The following PGM3 variants were observed in gnomAD, a reference collection of about 807,000 sequenced individuals.
The protein encoded by PGM3 is phosphoacetylglucosamine mutase.
PGM3 carries 40 observed loss-of-function variants against 66.2 expected under a neutral mutation model. The observed-to-expected ratio is 0.60, with a 90% confidence interval of 0.47 to 0.79. The LOEUF (loss-of-function observed/expected upper bound fraction) is 0.79. Ranked by LOEUF, PGM3 falls within the 30% of genes least tolerant of loss-of-function variation. The pLI, the probability that PGM3 is intolerant of heterozygous loss-of-function variation, is 0.00. For synonymous variants in PGM3, 191 were observed against 224.2 expected, an observed-to-expected ratio of 0.85 and a Z score of 1.32; for missense variants, 537 against 643.4, an observed-to-expected ratio of 0.83 and a Z score of 1.79.
the PGM3 span, chr6:83,151,740 T>C: frequency 1.6e-5 from 24 of 1,481,926 alleles, no homozygotes; most frequent in Non-Finnish European, 2.0e-5. Context: ...TAAAATAAAC[T>C]GAAGTTTCTT....
In PGM3 at chr6:83,167,394, T is replaced by C; in HGVS notation, c.*1840A>G. 1 of 981,872 alleles carries C rather than the reference T, an allele frequency of 1.0e-6. No homozygotes were observed. Among genetic ancestry groups the C allele is most frequent in the Non-Finnish European group, 1.2e-6 (1 of 826,596 alleles). The allele number at this position is 981,872 out of a possible 1,614,324, so 60.8% of individuals were successfully genotyped here. A position where few individuals can be genotyped will look rare whatever the true frequency, so the allele number is the denominator to read the frequency against. On this transcript the variant is annotated 3_prime_UTR_variant, in exon 13 of 13. Transcript: ENST00000513973. The stretch of plus-strand genomic sequence containing the variant: ...TGGACACTGCTACCATCATGGCAAA[T>C]TTAGGCCATTTAGATAAAAGGGAAT...
intron 12 of PGM3, 51 bp downstream of exon 12, chr6:83,170,253 CT>C: frequency 6.5e-7 from 1 of 1,527,278 alleles, no homozygotes; most frequent in Non-Finnish European, 9.0e-7. Flanking sequence ...AATAGTTTGC[CT>C]GCCCATCACC....
At chr6:83,174,213 T>C (rs1787578599) in intron 10 of PGM3, among the ~76,000 whole-genome samples, 161 bp downstream of exon 10, 1 of 152,186 alleles carries the variant, frequency 6.6e-6, no homozygotes, top group Non-Finnish European at 1.5e-5. Context: ...TGTTCTGTCA[T>C]TCCATTTCAT....
At chr6:83,175,831 C>T in intron 9 of PGM3, 131 bp downstream of exon 9, 1 of 579,286 alleles carries the variant, frequency 1.7e-6, no homozygotes, top group East Asian at 2.8e-5. Context: ...TATAAGATAA[C>T]CAAAGGATCT....
intron 3 of PGM3, among the ~76,000 whole-genome samples, chr6:83,187,665 G>A (rs193174905): frequency 1.4e-3 from 207 of 152,184 alleles, no homozygotes; most frequent in African/African-American, 4.6e-3. Context: ...TTAGCTGGGC[G>A]TGGTGGCACA....
chr6:83,159,544 G>A (rs1346803519), downstream of PGM3, among the ~76,000 whole-genome samples: 1 of 152,088 alleles, frequency 6.6e-6, no homozygotes, highest in African/African-American at 2.4e-5. Context: ...ACCCGCCTTG[G>A]CATCCCAAAA....
downstream of PGM3, chr6:83,157,246 T>C (rs1166139096): frequency 1.2e-6 from 2 of 1,613,956 alleles, no homozygotes; most frequent in African/African-American, 2.7e-5. Flanking sequence ...TGTTCCTGTT[T>C]TTCAGAGTGT....
At chr6:83,159,184 TAGAG>T (rs1381546480), downstream of PGM3, among the ~76,000 whole-genome samples, 1 of 152,228 alleles carries the variant, frequency 6.6e-6, no homozygotes, top group African/African-American at 2.4e-5. Flanking sequence ...TTTATTATTA[TAGAG>T]AATTTTCTCA....
At chr6:83,152,048 G>C in the PGM3 span, 1 of 1,612,772 alleles carries the variant, frequency 6.2e-7, no homozygotes, top group Non-Finnish European at 8.5e-7. Context: ...CAAACATTTA[G>C]GTTTATTATC....
chr6:83,165,827 G>A lies in PGM3; in HGVS notation c.*3407C>T. ...AATTGGGCCCTTTCTGGTGGCCAATGCCGGCTGCAGGCATTGCAGTTTTTG... is the reference window on the plus strand; with the variant it reads ...AATTGGGCCCTTTCTGGTGGCCAATACCGGCTGCAGGCATTGCAGTTTTTG... On this transcript the variant is annotated 3_prime_UTR_variant, in exon 13 of 13. Transcript: ENST00000513973. The A allele has an allele frequency of 3.1e-6, 1 of 317,802 alleles. No homozygotes were observed. Among genetic ancestry groups the A allele is most frequent in the Non-Finnish European group, 6.3e-6 (1 of 158,546 alleles). The allele number at this position is 317,802 out of a possible 1,614,324, so 19.7% of individuals were successfully genotyped here.
chr6:83,181,912 T>C lies in PGM3; in HGVS notation c.611A>G (p.Glu204Gly). The change falls in exon 6 of 13, where the codon GAA becomes GGA. Residue 204 changes from glutamate to glycine, a missense_variant. Coordinates refer to ENST00000513973, the MANE Select transcript of PGM3 (RefSeq NM_015599.3). ...ACAGTCAACCTTAAGTGATCTGTAT[T>C]CATCTCCACTGCAAGAAGCCTACAA... The part of the protein sequence containing the change: ...LTKQASCSGD[E>G]YRSLKVDCAN... The C allele has an allele frequency of 6.3e-7, 1 of 1,598,706 alleles. No homozygotes were observed.
intron 8 of PGM3, among the ~76,000 whole-genome samples, 155 bp downstream of exon 8, chr6:83,178,518 A>T (rs1787940050): frequency 6.6e-6 from 1 of 152,226 alleles, no homozygotes; most frequent in African/African-American, 2.4e-5. Flanking sequence ...ATCAAGGACA[A>T]CTAAATTTTT....
chr6:83,152,247 A>T, the PGM3 span: 1 of 1,181,976 alleles, frequency 8.5e-7, no homozygotes, highest in African/African-American at 1.6e-5. Flanking sequence ...ATTTATTTTC[A>T]GTGGGAATTA....
chr6:83,192,880 C>G (rs1383339259), intron 1 of PGM3, among the ~76,000 whole-genome samples: 2 of 152,146 alleles, frequency 1.3e-5, no homozygotes, highest in South Asian at 2.1e-4. Context: ...TCCTTGGTGC[C>G]TCTCTCCCGC....
chr6:83,180,321 A>G (rs1323993987), intron 6 of PGM3, among the ~76,000 whole-genome samples: 1 of 152,226 alleles, frequency 6.6e-6, no homozygotes, highest in Non-Finnish European at 1.5e-5. Context: ...ACATAGAAAA[A>G]ATAATCAGCA....
Position 83,167,897 on chromosome 6 carries a change from G to A in PGM3, c.*1337C>T. 1.2e-6 allele frequency: 2 copies of A among 1,613,242 alleles called. No individual in the cohort carries two copies. Among genetic ancestry groups the A allele is most frequent in the Non-Finnish European group, 1.7e-6 (2 of 1,179,524 alleles). ...AGGAAGACAACTCAGGGAGAACATT[G>A]GGTTGGGAGCCAGGGCACTTGCTGC... On this transcript the variant is annotated 3_prime_UTR_variant, in exon 13 of 13. Transcript: ENST00000513973.
Position 83,170,326 on chromosome 6 carries a change from T to C in PGM3, c.1518A>G (p.Val506=), listed in dbSNP as rs1328036910. 2 of 1,614,176 alleles carry C rather than the reference T, an allele frequency of 1.2e-6. No individual in the cohort carries two copies. The highest frequency in any genetic ancestry group is 1.1e-5 in the South Asian group (1 of 91,076). Residue 506 remains valine, a synonymous_variant, in exon 12 of 13, where the codon GTA becomes GTG. Coordinates refer to ENST00000513973, the MANE Select transcript of PGM3 (RefSeq NM_015599.3). Reference sequence around the variant, plus strand: ...TTACTTGTGAGTCTGCTTCTGCATATACTCGGACGACATCTTCTGTACCAG... The same window carrying C: ...TTACTTGTGAGTCTGCTTCTGCATACACTCGGACGACATCTTCTGTACCAG... The part of the protein sequence containing the change: ...RPSGTEDVVR[V]YAEADSQESA...
intron 1 of PGM3, among the ~76,000 whole-genome samples, chr6:83,192,434 G>GAGCA (rs1789200521): frequency 6.6e-6 from 1 of 152,186 alleles, no homozygotes; most frequent in African/African-American, 2.4e-5. Context: ...CAGAGATGAG[G>GAGCA]AGCAGTCCGC....
Position 83,190,890 on chromosome 6 carries a change from G to A in PGM3, c.123C>T (p.Arg41=). 2 of 1,614,102 alleles carry A rather than the reference G, an allele frequency of 1.2e-6. No individual in the cohort carries two copies. The highest frequency in any genetic ancestry group is 1.7e-6 in the Non-Finnish European group (2 of 1,179,978). The change falls in exon 2 of 13, where the codon CGC becomes CGT. Residue 41 remains arginine (R), a synonymous_variant. Transcript: ENST00000513973. ...ACCTCAGGACAGCTAATAATCCCAT[G>A]CGAAACATGACATGATCAAGATGTT... The part of the protein sequence containing the change: ...KAEHLDHVMF[R]MGLLAVLRSK...
Sources: gnomAD v4.1 joint callset for allele counts (sites outside exome capture counted in the v4.1 genomes callset) on GRCh38, gnomAD v4.1.1 for gene constraint, MANE v1.5 for transcripts, NCBI Gene and HGNC (gene_info 2026-07-23, HGNC 2026-07-21) for gene names.